Variants in SLC45A4 observed in about 807,000 individuals in gnomAD.
SLC45A4 encodes solute carrier family 45 member 4.
SLC45A4 carries 32 observed loss-of-function variants against 63.7 expected under a neutral mutation model. That is an observed-to-expected ratio of 0.50 (90% confidence interval 0.38 to 0.67). The LOEUF (loss-of-function observed/expected upper bound fraction) is 0.67, where lower values mean the gene tolerates loss of function less well. SLC45A4 is among the 30% of genes least tolerant of loss of function. The pLI, the probability that SLC45A4 is intolerant of heterozygous loss-of-function variation, is 0.00. For synonymous variants in SLC45A4, 535 were observed against 510.0 expected (o/e 1.05, Z -0.66); for missense variants, 1,027 against 1,157.7 (o/e 0.89, Z 1.64).
intron 1 of SLC45A4, among the ~76,000 whole-genome samples, chr8:141,268,856 C>T (rs56345700): frequency 0.34 from 52,306 of 151,978 alleles, 9,705 homozygotes; most frequent in African/African-American, 0.49. Context: ...TATGCATCAC[C>T]TGGAAAAACC....
intron 2 of SLC45A4, among the ~76,000 whole-genome samples, chr8:141,237,802 G>A (rs527244460): frequency 2.6e-5 from 4 of 152,162 alleles, no homozygotes; most frequent in Non-Finnish European, 5.9e-5. Flanking sequence ...GTGAGCTGGA[G>A]GCCTCAGGCT....
chr8:141,230,982 G>A (rs1827318570), intron 2 of SLC45A4, among the ~76,000 whole-genome samples: 1 of 152,168 alleles, frequency 6.6e-6, no homozygotes, highest in African/African-American at 2.4e-5. Flanking sequence ...GCAACAGCGT[G>A]TGACACCCAG....
chr8:141,291,144 C>A (rs1273271062), intron 1 of SLC45A4, among the ~76,000 whole-genome samples: 1 of 152,198 alleles, frequency 6.6e-6, no homozygotes, highest in Non-Finnish European at 1.5e-5. Flanking sequence ...CTCAGCCTCC[C>A]AAAGTGCTGG....
intron 1 of SLC45A4, among the ~76,000 whole-genome samples, chr8:141,269,757 G>A (rs1433375641): frequency 1.3e-5 from 2 of 152,100 alleles, no homozygotes; most frequent in African/African-American, 4.8e-5. Flanking sequence ...GTATGTCTGT[G>A]TCTATCTCTG....
intron 1 of SLC45A4, among the ~76,000 whole-genome samples, chr8:141,295,253 G>T (rs1465946820): frequency 2.6e-5 from 4 of 152,096 alleles, no homozygotes; most frequent in African/African-American, 4.8e-5. Flanking sequence ...TATGGGTGGG[G>T]CCCTGGGGCT....
At chr8:141,306,398 G>A (rs1044147245) in intron 1 of SLC45A4, among the ~76,000 whole-genome samples, 2 of 152,148 alleles carry the variant, frequency 1.3e-5, no homozygotes, top group Non-Finnish European at 2.9e-5. Context: ...AGAAACACAT[G>A]AGTTCTTTAC....
chr8:141,223,068 A>G (rs1826751607), intron 2 of SLC45A4, among the ~76,000 whole-genome samples: 1 of 152,248 alleles, frequency 6.6e-6, no homozygotes, highest in Admixed American at 6.5e-5. Flanking sequence ...GTGTTGAGCT[A>G]GCAAGAAAAA....
chr8:141,246,181 C>T (rs1393723458), intron 2 of SLC45A4, among the ~76,000 whole-genome samples: 1 of 152,158 alleles, frequency 6.6e-6, no homozygotes, highest in Non-Finnish European at 1.5e-5. Context: ...GGGAAAAATT[C>T]CAATGTACCC....
chr8:141,221,628 A>G lies in SLC45A4; in HGVS notation c.379T>C (p.Cys127Arg), dbSNP rs754013269. 2 of 1,614,006 alleles carry G rather than the reference A, an allele frequency of 1.2e-6. No individual in the cohort carries two copies. Among genetic ancestry groups the G allele is most frequent in the Non-Finnish European group, 1.7e-6 (2 of 1,180,022 alleles). The change falls in exon 3 of 9, where the codon TGC becomes CGC. Residue 127 changes from cysteine (C) to arginine (R), a missense_variant. Cys to Arg is a radical substitution (Grantham distance 180). Transcript: ENST00000517878. ...GCAACGCCAAAGAGGACGCCAACGC[A>G]GAGGGCGAGGATGAAGGGCCGCCGG... Reference protein sequence around the residue: ...GRRRPFILALCVGVLFGVALF... With the variant: ...GRRRPFILALRVGVLFGVALF...
chr8:141,255,826 CG>C (rs1828751219), intron 1 of SLC45A4, among the ~76,000 whole-genome samples: 2 of 152,128 alleles, frequency 1.3e-5, no homozygotes, highest in Non-Finnish European at 2.9e-5. Flanking sequence ...GGGGGGAGTT[CG>C]AAGTCTACCC....
At chr8:141,239,029 G>C (rs1827768268) in intron 2 of SLC45A4, among the ~76,000 whole-genome samples, 1 of 152,210 alleles carries the variant, frequency 6.6e-6, no homozygotes, top group Non-Finnish European at 1.5e-5. Flanking sequence ...CCAGAAGCAT[G>C]ATGGAGAAAA....
At chr8:141,251,481 T>C (rs1828462582) in intron 2 of SLC45A4, among the ~76,000 whole-genome samples, 1 of 151,832 alleles carries the variant, frequency 6.6e-6, no homozygotes, top group Non-Finnish European at 1.5e-5. Context: ...GGCCCACAGA[T>C]GTGGGTTCTG....
chr8:141,292,208 C>T (rs1002356469), intron 1 of SLC45A4, among the ~76,000 whole-genome samples: 7 of 152,346 alleles, frequency 4.6e-5, no homozygotes, highest in African/African-American at 1.7e-4. Context: ...GAGAAAACGG[C>T]TCACACTCAG....
intron 2 of SLC45A4, among the ~76,000 whole-genome samples, chr8:141,237,889 A>G (rs1251304715): frequency 1.3e-5 from 2 of 152,254 alleles, no homozygotes; most frequent in South Asian, 2.1e-4. Flanking sequence ...TGACGAAAGA[A>G]TAACAGGCGT....
intron 1 of SLC45A4, among the ~76,000 whole-genome samples, chr8:141,275,030 A>C (rs934935862): frequency 1.3e-5 from 2 of 152,056 alleles, no homozygotes; most frequent in African/African-American, 4.8e-5. Flanking sequence ...TGGCTGGACA[A>C]CTCTACGGGG....
chr8:141,260,659 C>T (rs993266555), intron 1 of SLC45A4, among the ~76,000 whole-genome samples: 3 of 152,190 alleles, frequency 2.0e-5, no homozygotes, highest in Non-Finnish European at 4.4e-5. Context: ...CATACACCCT[C>T]CCAAGACTAA....
rs1439685268 is a variant in SLC45A4, at chr8:141,247,438, G to C, written c.241+6551C>G. On this transcript the variant is annotated intron_variant, in intron 2 of 8. Coordinates refer to ENST00000517878, the MANE Select transcript of SLC45A4 (RefSeq NM_001286646.2). ...GTTGAGAAGATATATTATGTTCATG[G>C]ATCGAAGGACTCGAAATTAAGATGT... Among the ~76,000 whole-genome samples the C allele has an allele frequency of 2.6e-5, 4 of 152,216 alleles. No homozygotes were observed. In the East Asian group the frequency reaches 7.7e-4, roughly 29 times the overall value.
chr8:141,298,410 T>A (rs1377036136), intron 1 of SLC45A4, among the ~76,000 whole-genome samples: 2 of 152,230 alleles, frequency 1.3e-5, no homozygotes, highest in African/African-American at 4.8e-5. Context: ...GGCACCTGCC[T>A]TGAGCCTGGC....
rs1826065764 is a variant in SLC45A4 at position 141,215,184 on chromosome 8, T to C, written c.1941+575A>G. ...CTGCCTGTGCTGCGGCTACTGAGCA[T>C]TTGAGATAAAGCTCGTCTCATGTGT... is the stretch of plus-strand genomic sequence containing the variant. On this transcript the variant is annotated intron_variant, in intron 7 of 8. Coordinates refer to ENST00000517878, the MANE Select transcript of SLC45A4 (RefSeq NM_001286646.2). This position sits in a 1 kb window ranked among gnomAD's most constrained non-coding sequence, Gnocchi z 4.3. Among the ~76,000 whole-genome samples the C allele has an allele frequency of 1.3e-5, 2 of 152,222 alleles. No individual in the cohort carries two copies. The highest frequency in any genetic ancestry group is 2.1e-4 in the South Asian group (1 of 4,834).
Sources: allele counts gnomAD v4.1 joint callset (sites outside exome capture counted in the v4.1 genomes callset), GRCh38; gene constraint gnomAD v4.1.1; non-coding constraint Gnocchi (gnomAD v3.1); transcripts MANE v1.5; gene names NCBI Gene and HGNC (gene_info 2026-07-23, HGNC 2026-07-21).